The following M1AP variants were observed in gnomAD, a reference collection of about 807,000 sequenced individuals.
M1AP encodes meiosis 1 associated protein.
In M1AP, 39 loss-of-function variants were observed where a neutral mutation model predicts 51.2. That is an observed-to-expected ratio of 0.76 (90% CI 0.59 to 1.00). The LOEUF (loss-of-function observed/expected upper bound fraction) is 1.00, where lower values mean the gene tolerates loss of function less well. M1AP is among the 50% of genes least tolerant of loss of function. The probability of loss-of-function intolerance (pLI) is 0.00; values close to 1 mark genes in which losing one functional copy is unlikely to be tolerated. For synonymous variants in M1AP, 251 were observed against 249.2 expected, an observed-to-expected ratio of 1.01 and a Z score of -0.07; for missense variants, 545 against 641.2, an observed-to-expected ratio of 0.85 and a Z score of 1.62.
At chr2:74,576,427 T>G (rs1445392751) in intron 6 of M1AP, 29 bp downstream of exon 6, 1 of 1,609,826 alleles carries the variant, frequency 6.2e-7, no homozygotes, top group South Asian at 1.1e-5. Context: ...AGCATTTGCA[T>G]GGATTGGGGA....
intron 7 of M1AP, among the ~76,000 whole-genome samples, chr2:74,574,818 C>A (rs1054821523): frequency 6.6e-6 from 1 of 152,218 alleles, no homozygotes. Context: ...GGTCTTTGCA[C>A]ATGCCTTTCC....
intron 2 of M1AP, among the ~76,000 whole-genome samples, chr2:74,636,027 T>C (rs1450131770): frequency 6.6e-6 from 1 of 152,124 alleles, no homozygotes; most frequent in Non-Finnish European, 1.5e-5. Context: ...ATATCCTTAT[T>C]GATGTTCTAT....
chr2:74,579,417 T>G (rs1679272151), intron 5 of M1AP, among the ~76,000 whole-genome samples: 1 of 152,206 alleles, frequency 6.6e-6, no homozygotes, highest in Non-Finnish European at 1.5e-5. Flanking sequence ...TGACATTGTC[T>G]GGGCTGAGAG....
At chr2:74,589,075 C>G (rs557962464) in intron 4 of M1AP, among the ~76,000 whole-genome samples, 1 of 152,162 alleles carries the variant, frequency 6.6e-6, no homozygotes, top group Non-Finnish European at 1.5e-5. Context: ...CACGCGCGCG[C>G]GTGCATGCAT....
chr2:74,635,843 AC>A (rs1284768529), intron 2 of M1AP, among the ~76,000 whole-genome samples: 2 of 152,126 alleles, frequency 1.3e-5, no homozygotes, highest in Non-Finnish European at 2.9e-5. Flanking sequence ...CAGAGAACAT[AC>A]TATGCATGAT....
At chr2:74,574,712 C>G (rs553242067) in intron 7 of M1AP, among the ~76,000 whole-genome samples, 1 of 152,230 alleles carries the variant, frequency 6.6e-6, no homozygotes, top group Non-Finnish European at 1.5e-5. Flanking sequence ...GCTCACCTCT[C>G]CAACCCTACC....
chr2:74,619,002 T>G (rs1450376092), intron 2 of M1AP: 2 of 526,946 alleles, frequency 3.8e-6, no homozygotes, highest in African/African-American at 3.9e-5. Flanking sequence ...TCTGCCTTCA[T>G]GCATATTTTC....
At chr2:74,598,982 T>A (rs1286553118) in intron 4 of M1AP, among the ~76,000 whole-genome samples, 1 of 151,950 alleles carries the variant, frequency 6.6e-6, no homozygotes, top group African/African-American at 2.4e-5. Flanking sequence ...TACTTATCAA[T>A]CTTTTATTAT....
intron 4 of M1AP, among the ~76,000 whole-genome samples, chr2:74,585,984 T>A (rs1318958529): frequency 6.6e-6 from 1 of 152,178 alleles, no homozygotes; most frequent in Non-Finnish European, 1.5e-5. Context: ...CACTCACTCA[T>A]CCTGTATCAC....
chr2:74,600,854 A>G (rs1241514852), intron 4 of M1AP, among the ~76,000 whole-genome samples: 1 of 152,162 alleles, frequency 6.6e-6, no homozygotes, highest in Non-Finnish European at 1.5e-5. Flanking sequence ...TGGGGTGGTG[A>G]AATGAGAAAT....
intron 5 of M1AP, among the ~76,000 whole-genome samples, chr2:74,578,128 C>T (rs2104575807): frequency 6.6e-6 from 1 of 152,292 alleles, no homozygotes; most frequent in South Asian, 2.1e-4. Context: ...CTGCTGCTCA[C>T]CTCCTGCTGA....
intron 4 of M1AP, among the ~76,000 whole-genome samples, chr2:74,592,723 T>C (rs1177506827): frequency 2.6e-5 from 4 of 152,342 alleles, no homozygotes; most frequent in East Asian, 3.9e-4. Flanking sequence ...ATGACCTTTA[T>C]CTATGCTGAG....
At chr2:74,622,378 A>G (rs1682103962) in intron 2 of M1AP, among the ~76,000 whole-genome samples, 1 of 151,912 alleles carries the variant, frequency 6.6e-6, no homozygotes. Flanking sequence ...AGCTGGGATT[A>G]TAGGTGGCTG....
intron 5 of M1AP, among the ~76,000 whole-genome samples, chr2:74,579,372 G>T (rs936778466): frequency 6.6e-6 from 1 of 152,178 alleles, no homozygotes; most frequent in African/African-American, 2.4e-5. Flanking sequence ...GTAGATAAAG[G>T]CCCAGGTTCT....
intron 1 of M1AP, among the ~76,000 whole-genome samples, chr2:74,643,259 G>A (rs929265240): frequency 6.6e-6 from 1 of 151,954 alleles, no homozygotes; most frequent in Non-Finnish European, 1.5e-5. Context: ...ACATTAAAAT[G>A]GATAAATCAT....
At chr2:74,643,252 T>C (rs1683414200) in intron 1 of M1AP, among the ~76,000 whole-genome samples, 1 of 152,136 alleles carries the variant, frequency 6.6e-6, no homozygotes, top group African/African-American at 2.4e-5. Context: ...TCAATCTACA[T>C]TAAAATGGAT....
intron 4 of M1AP, among the ~76,000 whole-genome samples, chr2:74,604,468 G>A (rs942094669): frequency 8.5e-5 from 13 of 152,190 alleles, no homozygotes; most frequent in African/African-American, 2.4e-4. Context: ...TATAAGGAGT[G>A]CACAATCTAG....
chr2:74,633,876 C>T (rs1251710315), intron 2 of M1AP, among the ~76,000 whole-genome samples: 2 of 152,160 alleles, frequency 1.3e-5, no homozygotes, highest in Non-Finnish European at 2.9e-5. Context: ...CTGCCCACAC[C>T]TATGTAAATA....
intron 7 of M1AP, among the ~76,000 whole-genome samples, chr2:74,565,660 C>G (rs1345223269): frequency 6.6e-6 from 1 of 151,966 alleles, no homozygotes; most frequent in Non-Finnish European, 1.5e-5. Flanking sequence ...AACCCCATCT[C>G]TACTAAAAAA....
Sources: allele counts gnomAD v4.1 joint callset (sites outside exome capture counted in the v4.1 genomes callset), GRCh38; gene constraint gnomAD v4.1.1; transcripts MANE v1.5; gene names NCBI Gene and HGNC (gene_info 2026-07-23, HGNC 2026-07-21).